The following QTMAN variants were observed in gnomAD, a reference collection of about 807,000 sequenced individuals.
QTMAN encodes tRNA-queuosine alpha-mannosyltransferase.
the QTMAN span, among the ~76,000 whole-genome samples, chr2:144,303,009 G>C: frequency 3.3e-5 from 5 of 152,180 alleles, no homozygotes; most frequent in Non-Finnish European, 2.9e-5. Flanking sequence ...GGCTGAGGAA[G>C]GAGAATTGCT....
the QTMAN span, among the ~76,000 whole-genome samples, chr2:143,989,776 T>C: frequency 2.6e-5 from 4 of 152,124 alleles, no homozygotes; most frequent in African/African-American, 9.7e-5. Flanking sequence ...GAGCAGGAGT[T>C]GCCAAGTGAT....
the QTMAN span, among the ~76,000 whole-genome samples, chr2:144,111,785 C>G: frequency 2.1e-4 from 32 of 152,144 alleles, no homozygotes; most frequent in African/African-American, 7.5e-4. Context: ...TAATACTGGA[C>G]AGAGGAACCG....
At chr2:144,276,413 G>A in the QTMAN span, among the ~76,000 whole-genome samples, 2 of 151,664 alleles carry the variant, frequency 1.3e-5, no homozygotes, top group Non-Finnish European at 2.9e-5. Flanking sequence ...GCCAAGGCTG[G>A]TCTGGAACTC....
At chr2:144,205,113 T>C in the QTMAN span, among the ~76,000 whole-genome samples, 1 of 152,058 alleles carries the variant, frequency 6.6e-6, no homozygotes, top group Admixed American at 6.6e-5. Flanking sequence ...CTGCACATTG[T>C]GCACATGTAC....
At chr2:144,233,263 T>C in the QTMAN span, among the ~76,000 whole-genome samples, 1 of 152,114 alleles carries the variant, frequency 6.6e-6, no homozygotes, top group Non-Finnish European at 1.5e-5. Context: ...TGACCAAAGT[T>C]AGCAATAGTA....
At chr2:144,229,467 C>T in the QTMAN span, among the ~76,000 whole-genome samples, 2 of 152,158 alleles carry the variant, frequency 1.3e-5, no homozygotes, top group East Asian at 3.9e-4. Flanking sequence ...CCTTTTTATC[C>T]CCCAGTTTGG....
At chr2:143,978,197 G>T in the QTMAN span, among the ~76,000 whole-genome samples, 1 of 152,074 alleles carries the variant, frequency 6.6e-6, no homozygotes, top group Non-Finnish European at 1.5e-5. Context: ...TCATTCTCAT[G>T]CTTGTTATGC....
At chr2:144,182,230 G>GAT in the QTMAN span, among the ~76,000 whole-genome samples, 1 of 152,160 alleles carries the variant, frequency 6.6e-6, no homozygotes, top group South Asian at 2.1e-4. Context: ...TTTTAGTGTA[G>GAT]ATATAATAAT....
the QTMAN span, among the ~76,000 whole-genome samples, chr2:144,121,583 T>A: frequency 6.6e-6 from 1 of 152,172 alleles, no homozygotes; most frequent in Non-Finnish European, 1.5e-5. Context: ...AACAAAAGTA[T>A]GAAGAAGGGA....
At chr2:144,066,115 C>CT in the QTMAN span, among the ~76,000 whole-genome samples, 1 of 151,894 alleles carries the variant, frequency 6.6e-6, no homozygotes, top group African/African-American at 2.4e-5. Context: ...TTTCAAGGTT[C>CT]TTTTTTTCCC....
chr2:143,948,126 A>G, the QTMAN span, among the ~76,000 whole-genome samples: 4 of 152,200 alleles, frequency 2.6e-5, no homozygotes, highest in African/African-American at 4.8e-5. Context: ...TTAAAAGGGG[A>G]CTATAAGGTG....
At chr2:144,056,074 T>C in the QTMAN span, among the ~76,000 whole-genome samples, 1 of 152,228 alleles carries the variant, frequency 6.6e-6, no homozygotes, top group Non-Finnish European at 1.5e-5. Context: ...TTAGTATGAC[T>C]TCTGATACAC....
chr2:144,231,125 T>C, the QTMAN span, among the ~76,000 whole-genome samples: 1 of 152,180 alleles, frequency 6.6e-6, no homozygotes, highest in Non-Finnish European at 1.5e-5. Context: ...TGAATTAACA[T>C]GTACTCTTTC....
At chr2:144,106,601 T>C in the QTMAN span, among the ~76,000 whole-genome samples, 11 of 152,306 alleles carry the variant, frequency 7.2e-5, no homozygotes, top group Admixed American at 5.2e-4. Flanking sequence ...CCCAGATTCA[T>C]AAAGCAAATC....
chr2:144,302,761 C>T, the QTMAN span, among the ~76,000 whole-genome samples: 1 of 152,082 alleles, frequency 6.6e-6, no homozygotes, highest in Non-Finnish European at 1.5e-5. Context: ...AGAACTATAA[C>T]CTAGTAAGAA....
chr2:144,182,886 T>TTATA, the QTMAN span, among the ~76,000 whole-genome samples: 15 of 77,110 alleles, frequency 1.9e-4, no homozygotes, highest in South Asian at 3.3e-3. Context: ...TATATATATT[T>TTATA]TATATATATA....
the QTMAN span, among the ~76,000 whole-genome samples, chr2:144,260,884 A>T: frequency 3.4e-5 from 5 of 148,078 alleles, no homozygotes; most frequent in Non-Finnish European, 6.0e-5. Context: ...TATAAGATTT[A>T]AAAAAAAAAG....
chr2:144,218,823 C>G, the QTMAN span, among the ~76,000 whole-genome samples: 1 of 146,450 alleles, frequency 6.8e-6, no homozygotes, highest in Non-Finnish European at 1.5e-5. Flanking sequence ...GTATAAGGTA[C>G]TGGATTTAGA....
the QTMAN span, among the ~76,000 whole-genome samples, chr2:144,243,079 T>TA: frequency 6.6e-6 from 1 of 150,908 alleles, no homozygotes; most frequent in South Asian, 2.1e-4. Flanking sequence ...TACATATGGC[T>TA]AAAAAAGGCA....
Sources: gnomAD v4.1 joint callset for allele counts (sites outside exome capture counted in the v4.1 genomes callset) on GRCh38, gnomAD v4.1.1 for gene constraint, MANE v1.5 for transcripts, NCBI Gene and HGNC (gene_info 2026-07-23, HGNC 2026-07-21) for gene names.